Variants in RIPOR2 observed in about 807,000 individuals in gnomAD.
RIPOR2 encodes the protein rho family-interacting cell polarization regulator 2.
A neutral mutation model predicts 114.5 loss-of-function variants in RIPOR2; 39 were observed. That is an observed-to-expected ratio of 0.34 (90% CI 0.26 to 0.44). RIPOR2 has a LOEUF of 0.44. Ranked by LOEUF, RIPOR2 falls within the 20% of genes least tolerant of loss-of-function variation. The pLI is 1.00. For synonymous variants in RIPOR2, 445 were observed against 484.4 expected, an observed-to-expected ratio of 0.92 and a Z score of 1.07; for missense variants, 1,007 against 1,255.1, an observed-to-expected ratio of 0.80 and a Z score of 2.99.
At chr6:24,836,510 T>C (rs773116864) in intron 14 of RIPOR2, among the ~76,000 whole-genome samples, 1 of 152,218 alleles carries the variant, frequency 6.6e-6, no homozygotes, top group Non-Finnish European at 1.5e-5. Flanking sequence ...ATCTCTTGCA[T>C]TGATTATCTA....
At chr6:24,822,516 A>T (rs1417705277) in intron 19 of RIPOR2, among the ~76,000 whole-genome samples, 1 of 151,784 alleles carries the variant, frequency 6.6e-6, no homozygotes, top group Non-Finnish European at 1.5e-5. Context: ...ATTTATTTTT[A>T]TTTATTTATT....
rs1337492550 is a variant in RIPOR2, at chr6:24,850,752, G to A, written c.760-30C>T. On this transcript the variant is annotated intron_variant, in intron 9 of 21. Transcript: ENST00000643898. ...AGAGGAGACATCCAAGGGCCTTCATGTCTTGCCACCCCCTCTTCTCCACCA... is the reference window on the plus strand; with the variant it reads ...AGAGGAGACATCCAAGGGCCTTCATATCTTGCCACCCCCTCTTCTCCACCA... 3.1e-6 allele frequency: 5 copies of A among 1,612,226 alleles called. No individual in the cohort carries two copies. In the East Asian group the frequency reaches 8.9e-5, roughly 29 times the overall value.
intron 1 of RIPOR2, among the ~76,000 whole-genome samples, chr6:24,971,285 T>C (rs546750597): frequency 2.0e-5 from 3 of 152,324 alleles, no homozygotes; most frequent in African/African-American, 7.2e-5. Context: ...AAGACTTCGA[T>C]CAGGGAGATC....
At chr6:24,886,154 T>C (rs1766816748) in intron 1 of RIPOR2, among the ~76,000 whole-genome samples, 2 of 151,954 alleles carry the variant, frequency 1.3e-5, no homozygotes, top group South Asian at 4.1e-4. Flanking sequence ...CACACATTAT[T>C]TTTTCCCAAA....
chr6:24,873,330 C>A (rs571574677), intron 3 of RIPOR2, among the ~76,000 whole-genome samples: 1 of 152,314 alleles, frequency 6.6e-6, no homozygotes, highest in African/African-American at 2.4e-5. Flanking sequence ...TCTGGGTTCA[C>A]AATCCCTGTA....
rs869301317 is a variant in RIPOR2 at position 25,015,896 on chromosome 6, G to GTTTTTTTTTTTTTTTTTTTTTTTTT, written c.76+25930_76+25954dup. On this transcript the variant is annotated intron_variant, in intron 1 of 13. Coordinates refer to the RIPOR2 transcript ENST00000510784. ...TCCCCTTAAAAACGCAGGTTTTTTG[G>GTTTTTTTTTTTTTTTTTTTTTTTTT]TTTTTTTTTTTTTTTTTTTTTTTTT... 6 of 45,836 alleles carry GTTTTTTTTTTTTTTTTTTTTTTTTT rather than the reference G, an allele frequency of 1.3e-4. 3 individuals carry two copies. The highest frequency in any genetic ancestry group is 2.6e-4 in the Non-Finnish European group (6 of 23,008). The allele number at this position is 45,836 out of a possible 1,614,324, so 2.8% of individuals were successfully genotyped here. A position where few individuals can be genotyped will look rare whatever the true frequency, so the allele number is the denominator to read the frequency against.
At chr6:24,956,595 C>G (rs1773054429) in intron 1 of RIPOR2, among the ~76,000 whole-genome samples, 1 of 152,194 alleles carries the variant, frequency 6.6e-6, no homozygotes, top group African/African-American at 2.4e-5. Flanking sequence ...ATAATCCCCA[C>G]TTTCTAGATG....
At position 24,830,698 on chromosome 6, in the gene RIPOR2, C is replaced by T. The variant is rs540873257; in HGVS notation, c.2345-28G>A. ...GGAAAAGAAGAGCAACCCCCCATCT[C>T]GTAACACATTTTATTTTATTTTATT... On this transcript the variant is annotated intron_variant, in intron 16 of 21. Transcript: ENST00000643898. The T allele has an allele frequency of 6.9e-5, 106 of 1,529,018 alleles. No homozygotes were observed. The African/African-American group carries it at 1.1e-3, about 15-fold the overall frequency. 94.7% of individuals were successfully genotyped at this position (1,529,018 alleles called of 1,614,324 possible). A position where few individuals can be genotyped will look rare whatever the true frequency, so the allele number is the denominator to read the frequency against.
intron 12 of RIPOR2, chr6:24,847,548 C>G (rs917416382): frequency 3.9e-6 from 6 of 1,551,522 alleles, no homozygotes; most frequent in Non-Finnish European, 5.2e-6. Context: ...TCACATAGAG[C>G]TCTAGCACGG....
intron 1 of RIPOR2, among the ~76,000 whole-genome samples, chr6:24,882,792 G>A (rs1253861195): frequency 5.9e-5 from 9 of 152,244 alleles, no homozygotes; most frequent in East Asian, 3.9e-4. Flanking sequence ...AAGCTATGCC[G>A]AGGGGGCTAT....
At chr6:24,914,366 G>T (rs1432109391) in intron 1 of RIPOR2, among the ~76,000 whole-genome samples, 4 of 152,026 alleles carry the variant, frequency 2.6e-5, no homozygotes, top group African/African-American at 9.7e-5. Flanking sequence ...AAACAAAAAA[G>T]ACCCCAAGTA....
chr6:24,947,372 C>T (rs925750691), intron 1 of RIPOR2, among the ~76,000 whole-genome samples: 11 of 152,160 alleles, frequency 7.2e-5, no homozygotes, highest in African/African-American at 1.4e-4. Context: ...GAAGAATTAT[C>T]GAGTAAGAAA....
intron 1 of RIPOR2, among the ~76,000 whole-genome samples, chr6:25,027,003 C>T (rs1267913284): frequency 6.6e-6 from 1 of 152,184 alleles, no homozygotes; most frequent in Non-Finnish European, 1.5e-5. Context: ...CCTGACACAG[C>T]AAGGCCAAAA....
At chr6:24,838,793 TA>T (rs1001207360) in intron 14 of RIPOR2, among the ~76,000 whole-genome samples, 6 of 151,090 alleles carry the variant, frequency 4.0e-5, no homozygotes, top group East Asian at 1.9e-4. Flanking sequence ...GACTACGTCT[TA>T]AAAAAAAATG....
At chr6:24,830,455 A>G (rs1272951077) in intron 17 of RIPOR2, 54 bp downstream of exon 17, 96 of 1,484,410 alleles carry the variant, frequency 6.5e-5, no homozygotes, top group East Asian at 1.5e-4. Context: ...CCCCACCCCA[A>G]TGCCCACTCT....
chr6:24,935,045 C>T (rs909237093), intron 1 of RIPOR2, among the ~76,000 whole-genome samples: 5 of 152,118 alleles, frequency 3.3e-5, no homozygotes, highest in Admixed American at 1.3e-4. Flanking sequence ...TGGTAGCTCA[C>T]GCCTGTAATC....
chr6:25,003,519 C>T (rs974540606), intron 1 of RIPOR2, among the ~76,000 whole-genome samples: 6 of 151,828 alleles, frequency 4.0e-5, no homozygotes, highest in Admixed American at 1.3e-4. Context: ...GCCTCAACCT[C>T]CCTGGGCTCA....
rs1760583040 is a variant in RIPOR2, at chr6:24,830,492, C to G, written c.2506+17G>C. On this transcript the variant is annotated intron_variant, in intron 17 of 21. Coordinates refer to ENST00000643898, the MANE Select transcript of RIPOR2 (RefSeq NM_001286445.3). The stretch of plus-strand genomic sequence containing the variant: ...ACACTGAAGGACAGAAATTCTCTCT[C>G]TACTGCTGCCTCATACCTGGGTCTG... The G allele has an allele frequency of 1.9e-6, 3 of 1,544,328 alleles. No homozygotes were observed. Among genetic ancestry groups the G allele is most frequent in the Non-Finnish European group, 2.6e-6 (3 of 1,143,304 alleles).
intron 1 of RIPOR2, among the ~76,000 whole-genome samples, chr6:25,004,001 A>G (rs1775432683): frequency 6.6e-6 from 1 of 152,212 alleles, no homozygotes; most frequent in Admixed American, 6.5e-5. Flanking sequence ...GGTATTTTAT[A>G]TGTCCTAAAC....
Sources: allele counts gnomAD v4.1 joint callset (sites outside exome capture counted in the v4.1 genomes callset), GRCh38; gene constraint gnomAD v4.1.1; transcripts MANE v1.5; gene names NCBI Gene and HGNC (gene_info 2026-07-23, HGNC 2026-07-21).